The following MYO6 variants were observed in gnomAD, a reference collection of about 807,000 sequenced individuals.
The protein encoded by MYO6 is myosin VI.
A neutral mutation model predicts 178.7 loss-of-function variants in MYO6; 74 were observed. That is an observed-to-expected ratio of 0.41 (90% confidence interval 0.34 to 0.50). The LOEUF (loss-of-function observed/expected upper bound fraction) is 0.50, where lower values mean the gene tolerates loss of function less well. MYO6 is among the 20% of genes least tolerant of loss of function. MYO6 has a pLI of 0.09. For missense variants in MYO6, 1,330 were observed against 1,547.4 expected (o/e 0.86, Z 2.36); for synonymous variants, 477 against 504.6 (o/e 0.95, Z 0.73).
rs760669746 is a variant in MYO6 at position 75,841,245 on chromosome 6, A to G, written c.683A>G (p.Tyr228Cys). The change falls in exon 9 of 35, where the codon TAT becomes TGT. Residue 228 changes from tyrosine (Y) to cysteine (C), a missense_variant. Physicochemically the swap from Tyr to Cys is radical, Grantham distance 194. Coordinates refer to ENST00000369977, the MANE Select transcript of MYO6 (RefSeq NM_004999.4). ...SSVVGGFVSH[Y>C]LLEKSRICVQ... Reference sequence around the variant, plus strand: ...GTTGTTGGAGGATTTGTTTCACATTATCTCCTAGAGAAATCTAGGATCTGT... The same window carrying G: ...GTTGTTGGAGGATTTGTTTCACATTGTCTCCTAGAGAAATCTAGGATCTGT... 1 of 1,614,078 alleles carries G rather than the reference A, an allele frequency of 6.2e-7. No individual in the cohort carries two copies. The highest frequency in any genetic ancestry group is 1.1e-5 in the South Asian group (1 of 91,088).
At chr6:75,912,868 G>C (rs918454583) in intron 33 of MYO6, among the ~76,000 whole-genome samples, 9 of 152,060 alleles carry the variant, frequency 5.9e-5, no homozygotes, top group African/African-American at 2.2e-4. Context: ...CGGGCCTCTC[G>C]TTCCTTCATA....
In MYO6 at chr6:75,830,442, A is replaced by G; in HGVS notation, c.288A>G (p.Ala96=). The change falls in exon 5 of 35, where the codon GCA becomes GCG. Residue 96 remains alanine (A), a synonymous_variant. Transcript: ENST00000369977. ...CATATGTCGCCAACATTCTGATTGC[A>G]GTGAATCCATACTTTGACATACCTA... ...IYTYVANILI[A]VNPYFDIPKI... 6.2e-7 allele frequency: 1 copy of G among 1,612,198 alleles called. No individual in the cohort carries two copies. Among genetic ancestry groups the G allele is most frequent in the Non-Finnish European group, 8.5e-7 (1 of 1,178,446 alleles).
intron 1 of MYO6, among the ~76,000 whole-genome samples, chr6:75,758,289 A>G (rs756312459): frequency 3.3e-5 from 5 of 152,132 alleles, no homozygotes; most frequent in Non-Finnish European, 5.9e-5. Context: ...ATTAACGACA[A>G]TTTGCTTGGG....
intron 32 of MYO6, among the ~76,000 whole-genome samples, chr6:75,908,995 A>G (rs1780561056): frequency 1.3e-5 from 2 of 152,330 alleles, no homozygotes; most frequent in African/African-American, 2.4e-5. Flanking sequence ...AATTTTACAT[A>G]TGAAAATGAG....
At chr6:75,884,333 T>C (rs1404050324) in intron 23 of MYO6, among the ~76,000 whole-genome samples, 1 of 152,240 alleles carries the variant, frequency 6.6e-6, no homozygotes, top group East Asian at 1.9e-4. Context: ...AGTGTACAGC[T>C]TTTCATAAAC....
At chr6:75,866,277 G>A (rs1023005134) in intron 16 of MYO6, among the ~76,000 whole-genome samples, 1 of 126,908 alleles carries the variant, frequency 7.9e-6, no homozygotes, top group East Asian at 2.1e-4. Flanking sequence ...CTCTGTCTCT[G>A]TGTGTGTGTG....
chr6:75,841,135 G>T, intron 8 of MYO6, 79 bp from the exon 9 acceptor site: 1 of 1,365,742 alleles, frequency 7.3e-7, no homozygotes, highest in Admixed American at 1.8e-5. Flanking sequence ...ATTAGAAAAG[G>T]TAAATAATTT....
chr6:75,841,180 C>A, intron 8 of MYO6, 34 bp from the exon 9 acceptor site: 2 of 1,595,762 alleles, frequency 1.3e-6, no homozygotes, highest in Non-Finnish European at 1.7e-6. Flanking sequence ...ACTTTAAATG[C>A]AAAAATATAT....
chr6:75,820,912 C>G (rs1046003593), intron 2 of MYO6, among the ~76,000 whole-genome samples: 4 of 152,168 alleles, frequency 2.6e-5, no homozygotes, highest in East Asian at 1.9e-4. Context: ...GTAATCTTCT[C>G]AAGTGCAGGG....
At chr6:75,829,847 T>C (rs1434349969) in intron 4 of MYO6, among the ~76,000 whole-genome samples, 1 of 152,172 alleles carries the variant, frequency 6.6e-6, no homozygotes, top group African/African-American at 2.4e-5. Flanking sequence ...CATATATTGT[T>C]TGGAAGAAAT....
chr6:75,859,879 T>C (rs1583293972), intron 14 of MYO6, among the ~76,000 whole-genome samples: 2 of 151,702 alleles, frequency 1.3e-5, no homozygotes, highest in Non-Finnish European at 2.9e-5. Flanking sequence ...AGGCTGGTCT[T>C]GAACTTCTGA....
chr6:75,774,652 T>C (rs978615101), intron 1 of MYO6, among the ~76,000 whole-genome samples: 3 of 152,036 alleles, frequency 2.0e-5, no homozygotes, highest in African/African-American at 7.2e-5. Context: ...AATTTTATGG[T>C]ATATTTGTTA....
At chr6:75,808,167 G>A (rs1209108402) in intron 1 of MYO6, among the ~76,000 whole-genome samples, 1 of 152,194 alleles carries the variant, frequency 6.6e-6, no homozygotes, top group African/African-American at 2.4e-5. Flanking sequence ...AGTGTAGACT[G>A]CTCAGGCTGC....
chr6:75,750,732 C>T (rs1191843051), intron 1 of MYO6, among the ~76,000 whole-genome samples: 2 of 151,838 alleles, frequency 1.3e-5, no homozygotes, highest in African/African-American at 4.8e-5. Context: ...TAAGGGCGCG[C>T]CACTGCCCAG....
intron 1 of MYO6, among the ~76,000 whole-genome samples, chr6:75,777,534 C>T (rs1766510738): frequency 6.6e-6 from 1 of 151,582 alleles, no homozygotes; most frequent in South Asian, 2.1e-4. Context: ...CTCAGATGAT[C>T]CTGGCACCTC....
At chr6:75,914,718 A>C (rs1781019309) in intron 34 of MYO6, 95 bp from the exon 35 acceptor site, 1 of 1,209,042 alleles carries the variant, frequency 8.3e-7, no homozygotes, top group East Asian at 2.3e-5. Flanking sequence ...GAAGTTTTCA[A>C]ATCTATGAGA....
At chr6:75,862,802 C>G in intron 16 of MYO6, 79 bp downstream of exon 16, 1 of 1,498,388 alleles carries the variant, frequency 6.7e-7, no homozygotes, top group Non-Finnish European at 9.3e-7. Context: ...TTAGATATTA[C>G]TAGATAATTA....
At chr6:75,913,161 A>G (rs897628836) in intron 33 of MYO6, among the ~76,000 whole-genome samples, 23 of 152,300 alleles carry the variant, frequency 1.5e-4, no homozygotes, top group African/African-American at 4.6e-4. Flanking sequence ...TGTGAGTATA[A>G]AACAGATTAA....
chr6:75,821,971 T>G (rs1364219060), intron 2 of MYO6, among the ~76,000 whole-genome samples: 1 of 152,230 alleles, frequency 6.6e-6, no homozygotes, highest in Non-Finnish European at 1.5e-5. Context: ...TTTATATTTC[T>G]GACAGATTTT....
Sources: gnomAD v4.1 joint callset for allele counts (sites outside exome capture counted in the v4.1 genomes callset) on GRCh38, gnomAD v4.1.1 for gene constraint, MANE v1.5 for transcripts, NCBI Gene and HGNC (gene_info 2026-07-23, HGNC 2026-07-21) for gene names.